The following SLC16A5 variants were observed in gnomAD, a reference collection of about 807,000 sequenced individuals.
SLC16A5 encodes the protein solute carrier family 16 member 5.
A neutral mutation model predicts 33.2 loss-of-function variants in SLC16A5; 29 were observed. That is an observed-to-expected ratio of 0.87 (90% CI 0.65 to 1.19). SLC16A5 has a LOEUF of 1.19. Among genes scored for constraint, SLC16A5 ranks in the 50% most tolerant of loss-of-function variants. The pLI is 0.00. For missense variants in SLC16A5, 606 were observed against 678.2 expected (o/e 0.89, Z 1.18); for synonymous variants, 248 against 284.1 (o/e 0.87, Z 1.28).
At chr17:75,108,384 G>A (rs2073878864), downstream of SLC16A5, among the ~76,000 whole-genome samples, 1 of 152,154 alleles carries the variant, frequency 6.6e-6, no homozygotes, top group Non-Finnish European at 1.5e-5. Flanking sequence ...AGGGTCCTGG[G>A]GCCTAGGTAC....
At chr17:75,087,632 G>C (rs1188629527), upstream of SLC16A5, 1 of 152,248 alleles carries the variant, frequency 6.6e-6, no homozygotes, top group African/African-American at 2.4e-5. Context: ...CGGGCTCTGC[G>C]CCTTCCCCAC....
At chr17:75,093,184 G>A (rs1425436782) in intron 2 of SLC16A5, 4 of 536,906 alleles carry the variant, frequency 7.5e-6, no homozygotes, top group Non-Finnish European at 1.3e-5. Flanking sequence ...TGCATTTGGG[G>A]GGCGTTGGGA....
At position 75,104,478 on chromosome 17, in the gene SLC16A5, G is replaced by C. The variant is rs1350762550; in HGVS notation, c.1364+298G>C. ...CTTGTTGCCCAGGCTGGAGTGCAGT[G>C]GCACCATCTCGGCTCACTGCAACCT... On this transcript the variant is annotated intron_variant, in intron 6 of 6. Transcript: ENST00000329783. 25 of 1,150,746 alleles carry C rather than the reference G, an allele frequency of 2.2e-5. No individual in the cohort carries two copies. The Admixed American group carries it at 1.1e-3, about 53-fold the overall frequency. 71.3% of individuals were successfully genotyped at this position (1,150,746 alleles called of 1,614,324 possible). A position where few individuals can be genotyped will look rare whatever the true frequency, so the allele number is the denominator to read the frequency against.
chr17:75,096,928 C>T (rs995334527), intron 3 of SLC16A5, among the ~76,000 whole-genome samples: 18 of 144,012 alleles, frequency 1.2e-4, no homozygotes, highest in Middle Eastern at 3.8e-3. Flanking sequence ...CAGGTTCAAG[C>T]GATTCTCCTG....
intron 6 of SLC16A5, chr17:75,105,644 C>T (rs112719645): frequency 3.6e-5 from 35 of 985,326 alleles, no homozygotes; most frequent in Middle Eastern, 5.2e-4. Context: ...AGCAGGGTAC[C>T]GAGGGAATGA....
chr17:75,100,935 C>G, intron 5 of SLC16A5, 119 bp downstream of exon 5: 1 of 1,021,376 alleles, frequency 9.8e-7, no homozygotes, highest in East Asian at 2.6e-5. Context: ...CAACCTGGCA[C>G]TCAGAGTATG....
chr17:75,101,563 A>G (rs1340198475), intron 5 of SLC16A5, among the ~76,000 whole-genome samples: 6 of 55,828 alleles, frequency 1.1e-4, no homozygotes, highest in Non-Finnish European at 1.8e-4. Flanking sequence ...CTCCATCTGA[A>G]AAAAAAAAAA....
chr17:75,106,686 G>A (rs566492586), downstream of SLC16A5, among the ~76,000 whole-genome samples: 11 of 151,726 alleles, frequency 7.2e-5, no homozygotes, highest in South Asian at 2.3e-3. Flanking sequence ...CTAGAGGTCA[G>A]GAGTTCAAGA....
Position 75,096,185 on chromosome 17 carries a change from G to A in SLC16A5, c.200-1853G>A, listed in dbSNP as rs564581237. Among the ~76,000 whole-genome samples the A allele has an allele frequency of 1.3e-4, 20 of 151,900 alleles. 2 individuals carry two copies. The highest frequency in any genetic ancestry group is 5.8e-4 in the East Asian group (3 of 5,186). On this transcript the variant is annotated intron_variant, in intron 3 of 6. Coordinates refer to ENST00000329783, the MANE Select transcript of SLC16A5 (RefSeq NM_004695.4). ...TTCAAGTGCCCCTGCCCCTACCTACGCCTTTTAGAGGTAAGGAAAGCAAGC... is the reference window on the plus strand; with the variant it reads ...TTCAAGTGCCCCTGCCCCTACCTACACCTTTTAGAGGTAAGGAAAGCAAGC...
At chr17:75,101,146 G>A (rs11655349) in intron 5 of SLC16A5, among the ~76,000 whole-genome samples, 28,473 of 151,664 alleles carry the variant, frequency 0.19, 4,574 homozygotes, top group African/African-American at 0.44. Context: ...CTACTCGGGA[G>A]GCTGAGGCAG....
In SLC16A5 at chr17:75,090,581, C is replaced by T. The variant is rs550096127; in HGVS notation, c.-49+1277C>T. ...GTTCAAGCGATTCTCCTGCCTCAAC[C>T]TCCCGAGTAGCTGCGACTACAGGCG... On this transcript the variant is annotated intron_variant, in intron 2 of 6. Coordinates refer to ENST00000329783, the MANE Select transcript of SLC16A5 (RefSeq NM_004695.4). 3.8e-4 allele frequency among the ~76,000 whole-genome samples: 57 copies of T among 151,974 alleles called. No homozygotes were observed. In the South Asian group the frequency reaches 0.011, roughly 29 times the overall value.
At chr17:75,104,296 C>A in intron 6 of SLC16A5, 116 bp downstream of exon 6, 1 of 1,503,680 alleles carries the variant, frequency 6.7e-7, no homozygotes, top group Non-Finnish European at 8.9e-7. Flanking sequence ...CTAGCTCCTT[C>A]ACCAGGGGCT....
At chr17:75,102,386 CG>C (rs2073810840) in intron 5 of SLC16A5, among the ~76,000 whole-genome samples, 1 of 151,570 alleles carries the variant, frequency 6.6e-6, no homozygotes, top group African/African-American at 2.4e-5. Context: ...CCAGCCTGGG[CG>C]ACAGAGTGAA....
downstream of SLC16A5, chr17:75,110,131 A>C: frequency 1.5e-6 from 1 of 674,446 alleles, no homozygotes; most frequent in Non-Finnish European, 2.5e-6. Context: ...TTCCAGCTGC[A>C]AATTACTGCA....
intron 3 of SLC16A5, 106 bp from the exon 4 acceptor site, chr17:75,097,932 G>A: frequency 1.5e-6 from 2 of 1,376,614 alleles, no homozygotes; most frequent in South Asian, 2.9e-5. Flanking sequence ...TCGTGCCCTT[G>A]AAACCACCTG....
chr17:75,108,534 C>A (rs1191579038), downstream of SLC16A5, among the ~76,000 whole-genome samples: 3 of 152,168 alleles, frequency 2.0e-5, no homozygotes, highest in African/African-American at 7.2e-5. Context: ...CTGCCTTCAT[C>A]CGGGCCCAGG....
downstream of SLC16A5, among the ~76,000 whole-genome samples, chr17:75,108,795 T>C (rs191638757): frequency 6.7e-6 from 1 of 148,424 alleles, no homozygotes; most frequent in Non-Finnish European, 1.5e-5. Flanking sequence ...GGACAAGCGG[T>C]TGCTGGGCAG....
intron 3 of SLC16A5, 87 bp downstream of exon 3, chr17:75,093,922 T>G: frequency 6.6e-7 from 1 of 1,520,720 alleles, no homozygotes; most frequent in Non-Finnish European, 8.9e-7. Context: ...TCCCTCTCTC[T>G]GAGGCCACAG....
downstream of SLC16A5, among the ~76,000 whole-genome samples, chr17:75,107,200 A>G (rs2073870097): frequency 1.0e-5 from 1 of 96,868 alleles, no homozygotes; most frequent in African/African-American, 2.6e-5. Flanking sequence ...CTCAGGAGGC[A>G]GAGGTGGGAG....
Sources: gnomAD v4.1 joint callset for allele counts (sites outside exome capture counted in the v4.1 genomes callset) on GRCh38, gnomAD v4.1.1 for gene constraint, MANE v1.5 for transcripts, NCBI Gene and HGNC (gene_info 2026-07-23, HGNC 2026-07-21) for gene names.